Variants in PPP1R15B observed in about 807,000 individuals in gnomAD.
PPP1R15B encodes protein phosphatase 1, regulatory (inhibitor) subunit 15B.
Under a neutral mutation model 53.9 loss-of-function variants are expected in PPP1R15B, and 31 were observed. The ratio of observed to expected loss-of-function variants is 0.58; its 90% CI spans 0.43 to 0.78. The LOEUF is 0.78. Ranked by LOEUF, PPP1R15B falls within the 30% of genes least tolerant of loss-of-function variation. The pLI is 0.00. For missense variants in PPP1R15B, 928 were observed against 849.6 expected, an observed-to-expected ratio of 1.09 and a Z score of -1.15; for synonymous variants, 345 against 329.1, an observed-to-expected ratio of 1.05 and a Z score of -0.52.
chr1:204,400,888 A>G (rs2103439878), downstream of PPP1R15B: 1 of 238,472 alleles, frequency 4.2e-6, no homozygotes, highest in South Asian at 1.5e-4. Context: ...AAAGATTACA[A>G]GAACAAAACC....
chr1:204,406,385 A>T (rs900838186), intron 1 of PPP1R15B, 72 bp from the exon 2 acceptor site: 134 of 1,533,334 alleles, frequency 8.7e-5, no homozygotes, highest in Non-Finnish European at 1.1e-4. Flanking sequence ...ATAACCCTTT[A>T]TGCTACCAAT....
At chr1:204,396,143 C>T (rs1222499985), downstream of PPP1R15B, among the ~76,000 whole-genome samples, 1 of 152,020 alleles carries the variant, frequency 6.6e-6, no homozygotes, top group East Asian at 1.9e-4. Flanking sequence ...TAAAGAAGCC[C>T]ACCACAGAAG....
intron 1 of PPP1R15B, 54 bp downstream of exon 1, chr1:204,409,438 A>G (rs749759416): frequency 1.3e-6 from 2 of 1,533,052 alleles, no homozygotes; most frequent in Non-Finnish European, 1.7e-6. Flanking sequence ...GCTATATTTA[A>G]GCATATAAAA....
At position 204,403,576 on chromosome 1, in the gene PPP1R15B, T is replaced by A. The variant is rs529389234; in HGVS notation, c.*2516A>T. On this transcript the variant is annotated 3_prime_UTR_variant, in exon 2 of 2. Transcript: ENST00000367188. ...CAAAAATAAAATCTGATAGTTTTGA[T>A]TTCAAGTTAAAGATGAAGAAGTGTT... 1.2e-5 allele frequency: 12 copies of A among 984,268 alleles called. No homozygotes were observed. The highest frequency in any genetic ancestry group is 1.1e-5 in the Non-Finnish European group (9 of 828,832). The allele number at this position is 984,268 out of a possible 1,614,324, so 61.0% of individuals were successfully genotyped here.
chr1:204,409,232 C>A (rs926493069), intron 1 of PPP1R15B, among the ~76,000 whole-genome samples: 8 of 152,204 alleles, frequency 5.3e-5, no homozygotes, highest in Non-Finnish European at 1.0e-4. Context: ...CCAGAACTAC[C>A]AACCCAAATA....
At position 204,403,778 on chromosome 1, in the gene PPP1R15B, G is replaced by A; in HGVS notation, c.*2314C>T. 1.0e-6 allele frequency: 1 copy of A among 985,696 alleles called. No homozygotes were observed. The highest frequency in any genetic ancestry group is 1.2e-6 in the Non-Finnish European group (1 of 829,804). 61.1% of individuals were successfully genotyped at this position (985,696 alleles called of 1,614,324 possible). A position where few individuals can be genotyped will look rare whatever the true frequency, so the allele number is the denominator to read the frequency against. On this transcript the variant is annotated 3_prime_UTR_variant, in exon 2 of 2. Transcript: ENST00000367188. ...TTAACTTTGTTCTAACTAGAATTGG[G>A]ATGAAACAAGAATTTTGCTTTTTTC...
rs1674343182 is a variant in PPP1R15B at position 204,410,301 on chromosome 1, C to T, written c.1111G>A (p.Glu371Lys). The change falls in exon 1 of 2, where the codon GAG becomes AAG. Residue 371 changes from glutamate to lysine, a missense_variant. Physicochemically the swap from Glu to Lys is moderately conservative, Grantham distance 56 (BLOSUM62 1). Transcript: ENST00000367188. ...TEEKIELLTT[E>K]VPLALEEESP... ...TCTTCTTCCAAAGCAAGTGGAACCT[C>T]TGTAGTTAATAATTCTATTTTTTCT... 1 of 1,614,132 alleles carries T rather than the reference C, an allele frequency of 6.2e-7. No homozygotes were observed. The highest frequency in any genetic ancestry group is 2.2e-5 in the East Asian group (1 of 44,894).
chr1:204,410,596 T>C lies in PPP1R15B; in HGVS notation c.816A>G (p.Ala272=). The C allele has an allele frequency of 6.2e-7, 1 of 1,614,014 alleles. No homozygotes were observed. Among genetic ancestry groups the C allele is most frequent in the African/African-American group, 1.3e-5 (1 of 75,040 alleles). The change falls in exon 1 of 2, where the codon GCA becomes GCG. Residue 272 remains alanine (A), a synonymous_variant. Transcript: ENST00000367188. ...EDHCHPQPLS[A]ELIPASWQGC... Reference sequence around the variant, plus strand: ...CCTGCCACGAGGCCGGAATGAGTTCTGCACTCAGCGGCTGGGGATGACAAT... The same window carrying C: ...CCTGCCACGAGGCCGGAATGAGTTCCGCACTCAGCGGCTGGGGATGACAAT...
In PPP1R15B at chr1:204,405,853, C is replaced by T; in HGVS notation, c.*239G>A. The T allele has an allele frequency of 8.0e-7, 1 of 1,257,668 alleles. No homozygotes were observed. The highest frequency in any genetic ancestry group is 1.0e-6 in the Non-Finnish European group (1 of 996,296). The allele number at this position is 1,257,668 out of a possible 1,614,324, so 77.9% of individuals were successfully genotyped here. A position where few individuals can be genotyped will look rare whatever the true frequency, so the allele number is the denominator to read the frequency against. On this transcript the variant is annotated 3_prime_UTR_variant, in exon 2 of 2. Transcript: ENST00000367188. ...GGCAAAGGACATTTAAAAGCACATC[C>T]AACTAAATCAAAAAAGGGAGGATTA...
chr1:204,400,392 C>T (rs1262496103), downstream of PPP1R15B, among the ~76,000 whole-genome samples: 1 of 151,620 alleles, frequency 6.6e-6, no homozygotes, highest in Non-Finnish European at 1.5e-5. Context: ...GTCGTGCAGG[C>T]TGCAGTGCAG....
At position 204,411,208 on chromosome 1, in the gene PPP1R15B, G is replaced by A; in HGVS notation, c.204C>T (p.Ser68=). 3.1e-6 allele frequency: 5 copies of A among 1,614,230 alleles called. No individual in the cohort carries two copies. Among genetic ancestry groups the A allele is most frequent in the Non-Finnish European group, 4.2e-6 (5 of 1,180,044 alleles). ...TRVSYWTKLL[S]QLLAPLPGLL... ...ATCCGGGGAGCGGCGCAAGGAGCTG[G>A]GAGAGCAGTTTCGTCCAGTAACTGA... Residue 68 remains serine, a synonymous_variant, in exon 1 of 2, where the codon TCC becomes TCT. Coordinates refer to ENST00000367188, the MANE Select transcript of PPP1R15B (RefSeq NM_032833.5).
chr1:204,409,727 G>C lies in PPP1R15B; in HGVS notation c.1685C>G (p.Ser562Cys). ...SLKLWNSFCN[S>C]DDPYNPLNFK... ...ATTTAAAGGGTTGTAGGGGTCATCAGAATTACAGAATGAGTTCCACAGTTT... is the reference window on the plus strand; with the variant it reads ...ATTTAAAGGGTTGTAGGGGTCATCACAATTACAGAATGAGTTCCACAGTTT... Residue 562 changes from serine to cysteine, a missense_variant, in exon 1 of 2, where the codon TCT becomes TGT. Transcript: ENST00000367188. 1 of 1,614,140 alleles carries C rather than the reference G, an allele frequency of 6.2e-7. No individual in the cohort carries two copies. The highest frequency in any genetic ancestry group is 1.1e-5 in the South Asian group (1 of 91,082).
In PPP1R15B at chr1:204,411,524, G is replaced by A; in HGVS notation, c.-113C>T. ...GGCCTTGCCCAGCGGTGGCGTCGCT[G>A]CTCCAGGCCGATCTTCGAGCCAGCA... On this transcript the variant is annotated 5_prime_UTR_variant, in exon 1 of 2. Transcript: ENST00000367188. 1 of 1,383,192 alleles carries A rather than the reference G, an allele frequency of 7.2e-7. No homozygotes were observed. Among genetic ancestry groups the A allele is most frequent in the Non-Finnish European group, 9.7e-7 (1 of 1,027,408 alleles). The allele number at this position is 1,383,192 out of a possible 1,614,324, so 85.7% of individuals were successfully genotyped here. A position where few individuals can be genotyped will look rare whatever the true frequency, so the allele number is the denominator to read the frequency against.
In PPP1R15B at chr1:204,403,882, A is replaced by G; in HGVS notation, c.*2210T>C. 1 of 985,442 alleles carries G rather than the reference A, an allele frequency of 1.0e-6. No homozygotes were observed. The highest frequency in any genetic ancestry group is 1.2e-6 in the Non-Finnish European group (1 of 829,630). 61.0% of individuals were successfully genotyped at this position (985,442 alleles called of 1,614,324 possible). A position where few individuals can be genotyped will look rare whatever the true frequency, so the allele number is the denominator to read the frequency against. On this transcript the variant is annotated 3_prime_UTR_variant, in exon 2 of 2. Transcript: ENST00000367188. ...TCACTTCTTCCAAGGAGGCTAGTAT[A>G]TGGAAGAACTCTTAATCAAGCTTTC... is the stretch of plus-strand genomic sequence containing the variant.
downstream of PPP1R15B, among the ~76,000 whole-genome samples, chr1:204,401,743 A>T (rs1418331209): frequency 6.6e-6 from 1 of 152,202 alleles, no homozygotes; most frequent in African/African-American, 2.4e-5. Context: ...CAACATGGCA[A>T]AACCCCATCT....
At position 204,404,981 on chromosome 1, in the gene PPP1R15B, A is replaced by G; in HGVS notation, c.*1111T>C. 1.0e-6 allele frequency: 1 copy of G among 984,922 alleles called. No individual in the cohort carries two copies. 61.0% of individuals were successfully genotyped at this position (984,922 alleles called of 1,614,324 possible). Reference sequence around the variant, plus strand: ...TAAAGGCCTTGCCATTACTTCTCTCATTATTAAATAGTAGGACACAATAAA... The same window carrying G: ...TAAAGGCCTTGCCATTACTTCTCTCGTTATTAAATAGTAGGACACAATAAA... On this transcript the variant is annotated 3_prime_UTR_variant, in exon 2 of 2. Coordinates refer to ENST00000367188, the MANE Select transcript of PPP1R15B (RefSeq NM_032833.5).
At position 204,410,547 on chromosome 1, in the gene PPP1R15B, C is replaced by T. The variant is rs755483168; in HGVS notation, c.865G>A (p.Gly289Ser). ...WQGCPPLSTE[G>S]LPEIHHLRMK... ...CGAAGATGGTGAATTTCTGGTAGGCCTTCCGTAGAAAGAGGTGGACATCCC... is the reference window on the plus strand; with the variant it reads ...CGAAGATGGTGAATTTCTGGTAGGCTTTCCGTAGAAAGAGGTGGACATCCC... Residue 289 changes from glycine (G) to serine (S), a missense_variant, in exon 1 of 2, where the codon GGC (glycine) becomes AGC (serine). Transcript: ENST00000367188. 18 of 1,613,954 alleles carry T rather than the reference C, an allele frequency of 1.1e-5. No homozygotes were observed. Among genetic ancestry groups the T allele is most frequent in the Admixed American group, 1.7e-5 (1 of 59,992 alleles).
At position 204,411,614 on chromosome 1, in the gene PPP1R15B, C is replaced by G; in HGVS notation, c.-203G>C. 4.6e-6 allele frequency: 3 copies of G among 653,958 alleles called. No homozygotes were observed. Among genetic ancestry groups the G allele is most frequent in the Non-Finnish European group, 7.8e-6 (3 of 386,746 alleles). The allele number at this position is 653,958 out of a possible 1,614,324, so 40.5% of individuals were successfully genotyped here. A position where few individuals can be genotyped will look rare whatever the true frequency, so the allele number is the denominator to read the frequency against. On this transcript the variant is annotated 5_prime_UTR_variant, in exon 1 of 2. Transcript: ENST00000367188. ...AGAACACAGGGAAGAACAGCCCGCG[C>G]AATAGGCGGCGACTGATGCGACTTC...
chr1:204,396,383 CAAAAAAAA>C (rs56077006), downstream of PPP1R15B, among the ~76,000 whole-genome samples: 1 of 136,380 alleles, frequency 7.3e-6, no homozygotes, highest in Non-Finnish European at 1.5e-5. Flanking sequence ...AAAACAAAAA[CAAAAAAAA>C]AAAAACAAAA....
Sources: allele counts gnomAD v4.1 joint callset (sites outside exome capture counted in the v4.1 genomes callset), GRCh38; gene constraint gnomAD v4.1.1; transcripts MANE v1.5; gene names NCBI Gene and HGNC (gene_info 2026-07-23, HGNC 2026-07-21).